GPC6: variants seen among roughly 807,000 people sequenced by gnomAD.
GPC6 encodes the protein glypican-6.
In GPC6, 14 loss-of-function variants were observed where a neutral mutation model predicts 55.2. That is an observed-to-expected ratio of 0.25 (90% CI 0.17 to 0.40). The LOEUF is 0.40. Ranked by LOEUF, GPC6 falls within the 10% of genes least tolerant of loss-of-function variation. The probability of loss-of-function intolerance (pLI) is 1.00; values close to 1 mark genes in which losing one functional copy is unlikely to be tolerated. For missense variants in GPC6, 641 were observed against 708.5 expected, an observed-to-expected ratio of 0.90 and a Z score of 1.08; for synonymous variants, 278 against 259.6, an observed-to-expected ratio of 1.07 and a Z score of -0.68.
intron 2 of GPC6, among the ~76,000 whole-genome samples, chr13:93,632,797 C>T (rs980025837): frequency 2.6e-5 from 4 of 151,800 alleles, no homozygotes; most frequent in Non-Finnish European, 5.9e-5. Flanking sequence ...TTTTCCAAAA[C>T]GCATGTCAAA....
rs150454819 is a variant in GPC6 at position 93,659,681 on chromosome 13, C to T, written c.319+114260C>T. 7.0e-4 allele frequency among the ~76,000 whole-genome samples: 106 copies of T among 152,128 alleles called. 1 individual carries two copies. In the South Asian group the frequency reaches 0.011, roughly 15 times the overall value. ...CATATAATATCTTCTTTAATTCTCA[C>T]ATGAACCTATTCTCATGTTATCAAT... On this transcript the variant is annotated intron_variant, in intron 2 of 8. Coordinates refer to ENST00000377047, the MANE Select transcript of GPC6 (RefSeq NM_005708.5).
At chr13:93,831,542 G>C (rs1277469575) in intron 3 of GPC6, among the ~76,000 whole-genome samples, 4 of 143,128 alleles carry the variant, frequency 2.8e-5, no homozygotes, top group Non-Finnish European at 6.1e-5. Context: ...TATTGGTACT[G>C]TCCTACAATG....
chr13:93,318,662 T>A (rs879834433), intron 1 of GPC6, among the ~76,000 whole-genome samples: 75 of 152,006 alleles, frequency 4.9e-4, no homozygotes, highest in Non-Finnish European at 8.5e-4. Flanking sequence ...CAGAAGAAGT[T>A]GCATACCTAG....
At chr13:94,268,130 T>C (rs1265500324) in intron 4 of GPC6, among the ~76,000 whole-genome samples, 1 of 152,194 alleles carries the variant, frequency 6.6e-6, no homozygotes, top group Non-Finnish European at 1.5e-5. Flanking sequence ...AAGGTCTAAA[T>C]TGCAAATGAT....
At chr13:93,832,343 T>A (rs1227670920) in intron 3 of GPC6, among the ~76,000 whole-genome samples, 1 of 151,256 alleles carries the variant, frequency 6.6e-6, no homozygotes, top group Non-Finnish European at 1.5e-5. Flanking sequence ...TGTTGTAAAA[T>A]AAGTGTAAAT....
In GPC6 at chr13:93,368,901, G is replaced by T. The variant is rs115853897; in HGVS notation, c.160+141285G>T. ...CAGACTGTTTCCCAGTTCCCCAGTG[G>T]GTTCATAATTGCTGACTCTTTGCAC... On this transcript the variant is annotated intron_variant, in intron 1 of 8. Coordinates refer to ENST00000377047, the MANE Select transcript of GPC6 (RefSeq NM_005708.5). Among the ~76,000 whole-genome samples, 325 of 152,072 alleles carry T rather than the reference G, an allele frequency of 2.1e-3. 1 individual carries two copies. The highest frequency in any genetic ancestry group is 7.6e-3 in the African/African-American group (316 of 41,492).
At chr13:93,622,134 C>T (rs1349854424) in intron 2 of GPC6, among the ~76,000 whole-genome samples, 1 of 152,134 alleles carries the variant, frequency 6.6e-6, no homozygotes, top group African/African-American at 2.4e-5. Flanking sequence ...AAGCTACACT[C>T]TTATATAAAC....
At chr13:94,308,904 A>G (rs1876094083) in intron 6 of GPC6, among the ~76,000 whole-genome samples, 1 of 152,182 alleles carries the variant, frequency 6.6e-6, no homozygotes, top group Non-Finnish European at 1.5e-5. Flanking sequence ...GTTCCAATAT[A>G]GCTCTGAACA....
intron 1 of GPC6, among the ~76,000 whole-genome samples, chr13:93,502,027 TTAAAATGTTTCTTCCTCAATCTA>T (rs1300420702): frequency 6.6e-6 from 1 of 152,154 alleles, no homozygotes; most frequent in East Asian, 1.9e-4. Context: ...TATTGGTCTT[TTAAAATGTTTCTTCCTCAATCTA>T]AAGTAATAGA....
intron 7 of GPC6, among the ~76,000 whole-genome samples, chr13:94,391,964 A>G (rs926849150): frequency 4.6e-5 from 7 of 152,206 alleles, no homozygotes; most frequent in African/African-American, 1.7e-4. Context: ...GTGGTATCAC[A>G]TGTCAATTTT....
At chr13:93,366,393 A>G (rs574125149) in intron 1 of GPC6, among the ~76,000 whole-genome samples, 1 of 152,216 alleles carries the variant, frequency 6.6e-6, no homozygotes, top group South Asian at 2.1e-4. Flanking sequence ...GATGTTACTG[A>G]TAGGGGTTTT....
intron 2 of GPC6, among the ~76,000 whole-genome samples, chr13:93,572,609 G>A (rs1876462076): frequency 6.6e-6 from 1 of 152,100 alleles, no homozygotes; most frequent in South Asian, 2.1e-4. Context: ...GGAGTATTTA[G>A]AAACTTATAT....
At chr13:93,653,654 T>C (rs1044839644) in intron 2 of GPC6, among the ~76,000 whole-genome samples, 2 of 151,882 alleles carry the variant, frequency 1.3e-5, no homozygotes, top group Admixed American at 1.3e-4. Flanking sequence ...AATATATATT[T>C]TTCTGATAAG....
intron 1 of GPC6, among the ~76,000 whole-genome samples, chr13:93,351,438 G>C (rs1239540373): frequency 6.6e-6 from 1 of 152,042 alleles, no homozygotes; most frequent in African/African-American, 2.4e-5. Flanking sequence ...GGGAAGGGTA[G>C]GGGGAAGGCA....
intron 1 of GPC6, among the ~76,000 whole-genome samples, chr13:93,389,320 A>T (rs1195652430): frequency 1.3e-5 from 2 of 150,820 alleles, no homozygotes; most frequent in African/African-American, 2.5e-5. Context: ...ACATAGTGAA[A>T]CCCCGTCTCT....
chr13:93,532,123 G>A (rs1427373977), intron 1 of GPC6, among the ~76,000 whole-genome samples: 4 of 152,144 alleles, frequency 2.6e-5, no homozygotes, highest in Non-Finnish European at 5.9e-5. Flanking sequence ...CAGTGAATAC[G>A]AGGATATTTT....
intron 1 of GPC6, among the ~76,000 whole-genome samples, chr13:93,401,721 G>T (rs1220679768): frequency 1.4e-5 from 2 of 138,378 alleles, no homozygotes; most frequent in Admixed American, 7.6e-5. Context: ...TTAATGAGAG[G>T]CATCCAATTT....
chr13:93,699,586 C>A (rs974567240), intron 2 of GPC6, among the ~76,000 whole-genome samples: 1 of 152,038 alleles, frequency 6.6e-6, no homozygotes, highest in Non-Finnish European at 1.5e-5. Flanking sequence ...AGGGAATATA[C>A]GTTGTTGACT....
chr13:93,743,251 G>A (rs1345057900), intron 2 of GPC6, among the ~76,000 whole-genome samples: 1 of 152,144 alleles, frequency 6.6e-6, no homozygotes, highest in Admixed American at 6.6e-5. Context: ...CACAGACCAT[G>A]GGGTAGAGGA....
Sources: gnomAD v4.1 joint callset for allele counts (sites outside exome capture counted in the v4.1 genomes callset) on GRCh38, gnomAD v4.1.1 for gene constraint, MANE v1.5 for transcripts, NCBI Gene and HGNC (gene_info 2026-07-23, HGNC 2026-07-21) for gene names.